The following NEB variants were observed in gnomAD, a reference collection of about 807,000 sequenced individuals.
The protein encoded by NEB is nemaline myopathy type 2.
Under a neutral mutation model 952.2 loss-of-function variants are expected in NEB, and 512 were observed. That is an observed-to-expected ratio of 0.54 (90% CI 0.50 to 0.58). The LOEUF is 0.58. NEB is among the 20% of genes least tolerant of loss of function. NEB has a pLI of 0.00. For synonymous variants in NEB, 2,900 were observed against 3,149.8 expected (o/e 0.92, Z 2.66); for missense variants, 8,428 against 9,231.1 (o/e 0.91, Z 3.56).
intron 65 of NEB, among the ~76,000 whole-genome samples, chr2:151,633,266 T>C (rs764054172): frequency 1.3e-5 from 2 of 152,210 alleles, no homozygotes; most frequent in African/African-American, 4.8e-5. Context: ...ATAAGCATAA[T>C]ATTTAGTGTT....
At chr2:151,545,435 C>T (rs1344809836) in intron 135 of NEB, among the ~76,000 whole-genome samples, 4 of 151,960 alleles carry the variant, frequency 2.6e-5, no homozygotes, top group Non-Finnish European at 5.9e-5. Context: ...ATTAGCCAGG[C>T]GTGGTGGCAC....
At chr2:151,571,365 G>A (rs1429368420) in intron 107 of NEB, among the ~76,000 whole-genome samples, 4 of 152,108 alleles carry the variant, frequency 2.6e-5, no homozygotes, top group Admixed American at 6.5e-5. Context: ...TTATAATCTC[G>A]TTCATAAAAA....
At chr2:151,519,837 A>C in intron 153 of NEB, 69 bp from the exon 154 acceptor site, 1 of 1,025,674 alleles carries the variant, frequency 9.7e-7, no homozygotes, top group Middle Eastern at 2.0e-4. Flanking sequence ...GGAATAGTAG[A>C]AACACAAATG....
intron 116 of NEB, 140 bp downstream of exon 116, chr2:151,565,361 C>G: frequency 1.4e-6 from 1 of 713,206 alleles, no homozygotes; most frequent in South Asian, 1.7e-5. Context: ...ACTTTTAAGA[C>G]ATACCCCCCA....
At position 151,548,367 on chromosome 2, in the gene NEB, G is replaced by C; in HGVS notation, c.20098C>G (p.Leu6700Val). Residue 6700 changes from leucine to valine, a missense_variant, in exon 131 of 182, where the codon CTT (leucine) becomes GTT (valine). Coordinates refer to ENST00000397345, the MANE Select transcript of NEB (RefSeq NM_001164508.2). ...ACAAATGGAACATCTTTGGGGCCAAGTGTATACCCATATGCCTTGGTGTGT... is the reference window on the plus strand; with the variant it reads ...ACAAATGGAACATCTTTGGGGCCAACTGTATACCCATATGCCTTGGTGTGT... ...YEHTKAYGYT[L>V]GPKDVPFVHV... The C allele has an allele frequency of 6.2e-7, 1 of 1,613,796 alleles. No individual in the cohort carries two copies. The highest frequency in any genetic ancestry group is 8.5e-7 in the Non-Finnish European group (1 of 1,179,752).
chr2:151,681,526 T>C (rs2099413923), intron 29 of NEB, among the ~76,000 whole-genome samples: 1 of 152,232 alleles, frequency 6.6e-6, no homozygotes, highest in African/African-American at 2.4e-5. Flanking sequence ...ATCATCACTC[T>C]TTCGGCTTCA....
chr2:151,554,527 T>G (rs2095521909), intron 125 of NEB, among the ~76,000 whole-genome samples: 2 of 152,106 alleles, frequency 1.3e-5, no homozygotes, highest in Non-Finnish European at 2.9e-5. Flanking sequence ...ACCACTGCCC[T>G]CCAGCCAGGG....
chr2:151,639,779 T>C (rs1191529373), intron 62 of NEB, 78 bp downstream of exon 62: 1 of 1,273,772 alleles, frequency 7.9e-7, no homozygotes, highest in African/African-American at 1.5e-5. Context: ...TCAATGTTCT[T>C]TCTTTCCTCA....
intron 107 of NEB, among the ~76,000 whole-genome samples, chr2:151,573,530 A>G (rs2096720247): frequency 6.6e-6 from 1 of 152,208 alleles, no homozygotes; most frequent in South Asian, 2.1e-4. Flanking sequence ...AAAATACATC[A>G]GCGCCCTAAA....
At position 151,527,526 on chromosome 2, in the gene NEB, T is replaced by TC; in HGVS notation, c.21794dup (p.Pro7266ThrfsTer17). 2 of 1,613,474 alleles carry TC rather than the reference T, an allele frequency of 1.2e-6. No individual in the cohort carries two copies. The highest frequency in any genetic ancestry group is 1.7e-6 in the Non-Finnish European group (2 of 1,179,690). ...ACTTGGCAGCCTGGAGGAAGTCCGGTCGGTCAGGAGTCCACTTCCAGTGGG... is the reference window on the plus strand; with the variant it reads ...ACTTGGCAGCCTGGAGGAAGTCCGGTCCGGTCAGGAGTCCACTTCCAGTGGG... On this transcript the variant is annotated frameshift_variant, in exon 147 of 182. Coordinates refer to ENST00000397345, the MANE Select transcript of NEB (RefSeq NM_001164508.2). LOFTEE classifies it high-confidence loss of function.
At position 151,562,691 on chromosome 2, in the gene NEB, G is replaced by A. The variant is rs932662350; in HGVS notation, c.18811C>T (p.His6271Tyr). 1 of 1,605,846 alleles carries A rather than the reference G, an allele frequency of 6.2e-7. No individual in the cohort carries two copies. Among genetic ancestry groups the A allele is most frequent in the Admixed American group, 1.7e-5 (1 of 59,588 alleles). Reference protein sequence around the residue: ...QYILSDLEYRHYFHQWTSLLE... With the variant: ...QYILSDLEYRYYFHQWTSLLE... ...AGAGACGTCCACTGGTGGAAATAGT[G>A]TCGATACTCCAGGTCACTGAGGATG... The change falls in exon 120 of 182, where the codon CAC (histidine) becomes TAC (tyrosine). Residue 6271 changes from histidine to tyrosine, a missense_variant. Physicochemically the swap from His to Tyr is moderately conservative, Grantham distance 83 (BLOSUM62 2). Coordinates refer to ENST00000397345, the MANE Select transcript of NEB (RefSeq NM_001164508.2).
intron 130 of NEB, 118 bp from the exon 131 acceptor site, chr2:151,548,533 A>T (rs2094983806): frequency 1.4e-6 from 1 of 702,122 alleles, no homozygotes; most frequent in Non-Finnish European, 2.5e-6. Flanking sequence ...TTAAGGATTA[A>T]GTATGTAGAA....
In NEB at chr2:151,675,413, A is replaced by G. The variant is rs748941455; in HGVS notation, c.3775-22T>C. 23 of 1,463,204 alleles carry G rather than the reference A, an allele frequency of 1.6e-5. No individual in the cohort carries two copies. Among genetic ancestry groups the G allele is most frequent in the Middle Eastern group, 3.4e-4 (2 of 5,870 alleles). The allele number at this position is 1,463,204 out of a possible 1,614,324, so 90.6% of individuals were successfully genotyped here. A position where few individuals can be genotyped will look rare whatever the true frequency, so the allele number is the denominator to read the frequency against. ...AGATCTGCAATAAAATGCATTTCACATAGTGCAAAAAGGAAAATCTATTAA... is the reference window on the plus strand; with the variant it reads ...AGATCTGCAATAAAATGCATTTCACGTAGTGCAAAAAGGAAAATCTATTAA... On this transcript the variant is annotated intron_variant, in intron 34 of 181. Transcript: ENST00000397345.
chr2:151,639,280 C>T lies in NEB; in HGVS notation c.8994G>A (p.Glu2998=), dbSNP rs1173312530. Residue 2998 remains glutamate, a splice_region_variant and synonymous_variant, in exon 63 of 182, where the codon GAG becomes GAA. Transcript: ENST00000397345. The part of the protein sequence containing the change: ...LARMNKINYS[E]SLYKLANEEA... ...CAAATGTCAAAGAATCTGCTCTCAC[C>T]TCACTGTAGTTGATTTTGTTCATTC... 1 of 1,535,690 alleles carries T rather than the reference C, an allele frequency of 6.5e-7. No homozygotes were observed. Among genetic ancestry groups the T allele is most frequent in the Non-Finnish European group, 8.8e-7 (1 of 1,142,614 alleles).
At chr2:151,535,619 T>C (rs1402778831) in intron 142 of NEB, 72 bp downstream of exon 142, 3 of 950,800 alleles carry the variant, frequency 3.2e-6, no homozygotes, top group Non-Finnish European at 4.7e-6. Flanking sequence ...TATTGGGCTT[T>C]AATTTAAAAA....
At chr2:151,491,436 A>C (rs1473757725) in intron 179 of NEB, 3 of 343,994 alleles carry the variant, frequency 8.7e-6, no homozygotes, top group Non-Finnish European at 1.6e-5. Flanking sequence ...TTTTCTTTGG[A>C]AGAAAAATTA....
In NEB at chr2:151,640,447, C is replaced by T. The variant is rs780573936; in HGVS notation, c.8593G>A (p.Val2865Met). Residue 2865 changes from valine to methionine, a missense_variant, in exon 61 of 182, where the codon GTG (valine) becomes ATG (methionine). Physicochemically the swap from Val to Met is conservative, Grantham distance 21. Around this residue, in one of 11 missense-constraint regions of NEB, gnomAD observed 1,772 missense variants for 1,960.3 expected, o/e 0.90. Coordinates refer to ENST00000397345, the MANE Select transcript of NEB (RefSeq NM_001164508.2). The stretch of plus-strand genomic sequence containing the variant: ...TGGTGCAGGTAGTTCTTGTAGTCCA[C>T]ATCGCTGACTAAGGTCTGGCACTTC... Reference protein sequence around the residue: ...AKKCQTLVSDVDYKNYLHQWT... With the variant: ...AKKCQTLVSDMDYKNYLHQWT... The T allele has an allele frequency of 5.0e-6, 8 of 1,613,880 alleles. No individual in the cohort carries two copies. Among genetic ancestry groups the T allele is most frequent in the Admixed American group, 3.3e-5 (2 of 60,002 alleles).
At chr2:151,646,841 G>A (rs114427517) in intron 54 of NEB, among the ~76,000 whole-genome samples, 3,169 of 152,210 alleles carry the variant, frequency 0.021, 112 homozygotes, top group African/African-American at 0.072. Context: ...GTAGAAACAG[G>A]GTTTCGCTAC....
chr2:151,540,199 T>TA (rs2093849632), intron 138 of NEB, 145 bp downstream of exon 138: 1 of 452,506 alleles, frequency 2.2e-6, no homozygotes, highest in Non-Finnish European at 3.7e-6. Context: ...GTTTGGGCAT[T>TA]TTTTTTTCTC....
Sources: allele counts gnomAD v4.1 joint callset (sites outside exome capture counted in the v4.1 genomes callset), GRCh38; gene constraint gnomAD v4.1.1; regional missense constraint gnomAD v4.1.1; transcripts MANE v1.5; gene names NCBI Gene and HGNC (gene_info 2026-07-23, HGNC 2026-07-21).